Variants in HK1 observed in about 807,000 individuals in gnomAD.
HK1 encodes the protein hexokinase-1.
A neutral mutation model predicts 91.6 loss-of-function variants in HK1; 28 were observed. That is an observed-to-expected ratio of 0.31 (90% CI 0.23 to 0.42). HK1 has a LOEUF of 0.42. Ranked by LOEUF, HK1 falls within the 10% of genes least tolerant of loss-of-function variation. The probability of loss-of-function intolerance (pLI) is 1.00; values close to 1 mark genes in which losing one functional copy is unlikely to be tolerated. For synonymous variants in HK1, 430 were observed against 468.1 expected (o/e 0.92, Z 1.05); for missense variants, 770 against 1,219.8 (o/e 0.63, Z 5.49).
At chr10:69,349,122 G>GA (rs1452201131) in intron 2 of HK1, among the ~76,000 whole-genome samples, 1 of 152,192 alleles carries the variant, frequency 6.6e-6, no homozygotes, top group African/African-American at 2.4e-5. Context: ...ACCAAAGATT[G>GA]AAAGAGGAAG....
chr10:69,367,419 GCAGA>G (rs1468282537), intron 4 of HK1, among the ~76,000 whole-genome samples: 1 of 152,178 alleles, frequency 6.6e-6, no homozygotes, highest in Non-Finnish European at 1.5e-5. Flanking sequence ...CAGGAAATGG[GCAGA>G]CAGTATGAAG....
intron 1 of HK1, among the ~76,000 whole-genome samples, chr10:69,276,387 A>G (rs1844475512): frequency 6.6e-6 from 1 of 151,830 alleles, no homozygotes; most frequent in Non-Finnish European, 1.5e-5. Context: ...GGCCAGGCAC[A>G]GTGGTTCATG....
Position 69,401,273 on chromosome 10 carries a change from A to G in HK1, c.*138A>G, listed in dbSNP as rs369141486. On this transcript the variant is annotated 3_prime_UTR_variant, in exon 18 of 18. Coordinates refer to ENST00000359426, the MANE Select transcript of HK1 (RefSeq NM_000188.3). ...CGGGGAGGAAAGCAAAATCCAACTA[A>G]TGGTATATATTGTAGGGTACAGAAT... The G allele has an allele frequency of 8.9e-5, 77 of 864,770 alleles. No homozygotes were observed. The African/African-American group carries it at 1.2e-3, about 13-fold the overall frequency. The allele number at this position is 864,770 out of a possible 1,614,324, so 53.6% of individuals were successfully genotyped here. A position where few individuals can be genotyped will look rare whatever the true frequency, so the allele number is the denominator to read the frequency against.
intron 1 of HK1, among the ~76,000 whole-genome samples, chr10:69,341,655 G>T (rs576084123): frequency 6.6e-6 from 1 of 151,860 alleles, no homozygotes; most frequent in Admixed American, 6.6e-5. Context: ...TAGAGACAGG[G>T]TTGTTGCCCA....
chr10:69,271,569 T>A (rs1448506402), intron 1 of HK1, among the ~76,000 whole-genome samples: 5 of 150,430 alleles, frequency 3.3e-5, no homozygotes, highest in Admixed American at 6.7e-5. Flanking sequence ...CTCTGCCTCC[T>A]GGGTTCATGC....
chr10:69,336,550 A>G (rs1847998981), intron 1 of HK1, among the ~76,000 whole-genome samples: 1 of 150,300 alleles, frequency 6.7e-6, no homozygotes, highest in African/African-American at 2.4e-5. Flanking sequence ...TAGTTTTGTT[A>G]GAATCTTTCA....
At chr10:69,329,482 G>A (rs894834720) in intron 1 of HK1, among the ~76,000 whole-genome samples, 1 of 152,046 alleles carries the variant, frequency 6.6e-6, no homozygotes, top group African/African-American at 2.4e-5. Flanking sequence ...CATGTCTGTT[G>A]GGTGTATATG....
intron 2 of HK1, among the ~76,000 whole-genome samples, chr10:69,351,363 G>A (rs984424618): frequency 6.6e-6 from 1 of 151,842 alleles, no homozygotes; most frequent in African/African-American, 2.4e-5. Flanking sequence ...CAAAAAATGA[G>A]CTGGGCGTGG....
intron 8 of HK1, 81 bp downstream of exon 8, chr10:69,377,170 A>G (rs538246486): frequency 3.2e-4 from 498 of 1,534,980 alleles, no homozygotes; most frequent in Non-Finnish European, 4.3e-4. Context: ...CTTGAGTCCA[A>G]GTTTGGTGGC....
At chr10:69,381,879 C>T (rs768087948) in intron 9 of HK1, among the ~76,000 whole-genome samples, 88 of 152,174 alleles carry the variant, frequency 5.8e-4, no homozygotes, top group Non-Finnish European at 3.1e-4. Flanking sequence ...GAACACCGTG[C>T]TTTTGACCAC....
chr10:69,381,546 CTTTTTTTT>C (rs35306200), intron 9 of HK1, among the ~76,000 whole-genome samples: 4 of 132,232 alleles, frequency 3.0e-5, no homozygotes, highest in Non-Finnish European at 4.8e-5. Flanking sequence ...TCATCTTAAC[CTTTTTTTT>C]TTTTTTTTTT....
chr10:69,287,609 AT>A (rs1425481476), intron 2 of HK1, among the ~76,000 whole-genome samples: 1 of 152,188 alleles, frequency 6.6e-6, no homozygotes, highest in Non-Finnish European at 1.5e-5. Flanking sequence ...TGGGGGAAGG[AT>A]CGAATGAGAA....
At chr10:69,273,306 C>T (rs1272670071) in intron 1 of HK1, among the ~76,000 whole-genome samples, 1 of 152,140 alleles carries the variant, frequency 6.6e-6, no homozygotes, top group African/African-American at 2.4e-5. Flanking sequence ...GGCTCCACCT[C>T]CGGAATTCAT....
At chr10:69,398,539 C>G in intron 16 of HK1, 56 bp from the exon 17 acceptor site, 1 of 1,404,870 alleles carries the variant, frequency 7.1e-7, no homozygotes, top group African/African-American at 1.4e-5. Context: ...ACGTGGTCTC[C>G]AGGCTGCTCT....
intron 5 of HK1, among the ~76,000 whole-genome samples, chr10:69,302,426 G>A (rs1357621785): frequency 1.4e-5 from 2 of 146,888 alleles, no homozygotes; most frequent in Non-Finnish European, 3.0e-5. Context: ...CCAGGCTGGA[G>A]TGCAGTGGTG....
In HK1 at chr10:69,398,725, G is replaced by T. The variant is rs773615425; in HGVS notation, c.2506G>T (p.Ala836Ser). The change falls in exon 17 of 18, where the codon GCA (alanine) becomes TCA (serine). Residue 836 changes from alanine to serine, a missense_variant. By Grantham distance (99) the Ala-to-Ser change is moderately conservative. Coordinates refer to ENST00000359426, the MANE Select transcript of HK1 (RefSeq NM_000188.3). The part of the protein sequence containing the change: ...VSRRAAQLCG[A>S]GMAAVVDKIR... Reference sequence around the variant, plus strand: ...CAGGAGGGCCGCACAGCTGTGTGGCGCAGGCATGGCTGCGGTTGTGGATAA... The same window carrying T: ...CAGGAGGGCCGCACAGCTGTGTGGCTCAGGCATGGCTGCGGTTGTGGATAA... 4.3e-6 allele frequency: 7 copies of T among 1,614,070 alleles called. No individual in the cohort carries two copies. In the African/African-American group the frequency reaches 9.3e-5, roughly 22 times the overall value.
At position 69,401,548 on chromosome 10, in the gene HK1, C is replaced by T; in HGVS notation, c.*413C>T. The stretch of plus-strand genomic sequence containing the variant: ...CCTGTGTGAAATGTATTATCACCAG[C>T]AGACACTGCCGGGCCTCCCTCCCGG... On this transcript the variant is annotated 3_prime_UTR_variant, in exon 18 of 18. Coordinates refer to ENST00000359426, the MANE Select transcript of HK1 (RefSeq NM_000188.3). 2.9e-6 allele frequency: 1 copy of T among 349,192 alleles called. No homozygotes were observed. The highest frequency in any genetic ancestry group is 2.2e-5 in the South Asian group (1 of 45,590). 21.6% of individuals were successfully genotyped at this position (349,192 alleles called of 1,614,324 possible).
At chr10:69,301,634 A>C (rs1023119248) in intron 5 of HK1, among the ~76,000 whole-genome samples, 18 of 151,956 alleles carry the variant, frequency 1.2e-4, no homozygotes, top group Admixed American at 2.6e-4. Flanking sequence ...CATCAAAAAG[A>C]ACAAATTACT....
At position 69,336,377 on chromosome 10, in the gene HK1, G is replaced by A. The variant is rs190050250; in HGVS notation, c.64-7450G>A. On this transcript the variant is annotated intron_variant, in intron 1 of 17. Transcript: ENST00000359426. ...TGGCTCATTTTGTATTTTTGGTAGA[G>A]ACAGGGTTTCTCCATGTTGGTCAGG... is the stretch of plus-strand genomic sequence containing the variant. Among the ~76,000 whole-genome samples the A allele has an allele frequency of 4.9e-3, 749 of 151,792 alleles. 3 individuals are homozygous for A. Among genetic ancestry groups the A allele is most frequent in the Non-Finnish European group, 7.2e-3 (490 of 67,916 alleles).
Sources: gnomAD v4.1 joint callset for allele counts (sites outside exome capture counted in the v4.1 genomes callset) on GRCh38, gnomAD v4.1.1 for gene constraint, MANE v1.5 for transcripts, NCBI Gene and HGNC (gene_info 2026-07-23, HGNC 2026-07-21) for gene names.